Variants in SYNDIG1 observed in about 807,000 individuals in gnomAD.
SYNDIG1 encodes synapse differentiation-inducing gene protein 1.
In SYNDIG1, 9 loss-of-function variants were observed where a neutral mutation model predicts 19.4. The observed-to-expected ratio is 0.46, with a 90% CI of 0.28 to 0.81. The LOEUF (loss-of-function observed/expected upper bound fraction) is 0.81. Among genes scored for constraint, SYNDIG1 ranks in the 30% least tolerant of loss-of-function variants. SYNDIG1 has a pLI of 0.12. For missense variants in SYNDIG1, 311 were observed against 343.3 expected (o/e 0.91, Z 0.74); for synonymous variants, 141 against 145.9 (o/e 0.97, Z 0.24).
intron 1 of SYNDIG1, among the ~76,000 whole-genome samples, chr20:24,504,084 T>C (rs909424262): frequency 1.3e-5 from 2 of 151,102 alleles, no homozygotes; most frequent in Non-Finnish European, 2.9e-5. Context: ...CTCAGCCTCC[T>C]GAGTAGCTGG....
rs574395986 is a variant in SYNDIG1, at chr20:24,552,158, C to T, written c.480+8581C>T. ...GGGGCTCCGTTGTTAAGAGTGTGTA[C>T]ATTTATAATTGTTATATCTTGCTGA... is the stretch of plus-strand genomic sequence containing the variant. On this transcript the variant is annotated intron_variant, in intron 2 of 3. Coordinates refer to ENST00000376862, the MANE Select transcript of SYNDIG1 (RefSeq NM_024893.3). Among the ~76,000 whole-genome samples the T allele has an allele frequency of 1.1e-3, 174 of 152,238 alleles. 1 individual carries two copies. The highest frequency in any genetic ancestry group is 3.9e-3 in the African/African-American group (164 of 41,536).
At chr20:24,506,446 C>T (rs921177596) in intron 1 of SYNDIG1, among the ~76,000 whole-genome samples, 4 of 152,212 alleles carry the variant, frequency 2.6e-5, no homozygotes, top group Non-Finnish European at 5.9e-5. Context: ...AGCATGGCCA[C>T]AGTCCCCCTG....
chr20:24,578,175 G>A (rs1334721747), intron 2 of SYNDIG1, among the ~76,000 whole-genome samples: 2 of 152,200 alleles, frequency 1.3e-5, no homozygotes, highest in African/African-American at 4.8e-5. Flanking sequence ...GGGCATGATG[G>A]CTCACGCCTG....
At chr20:24,618,506 T>C (rs1321403433) in intron 3 of SYNDIG1, among the ~76,000 whole-genome samples, 2 of 152,306 alleles carry the variant, frequency 1.3e-5, no homozygotes, top group Admixed American at 6.5e-5. Flanking sequence ...AGACAAATTA[T>C]GTCCCGACTA....
At chr20:24,607,260 C>A (rs2058769652) in intron 3 of SYNDIG1, among the ~76,000 whole-genome samples, 1 of 150,412 alleles carries the variant, frequency 6.6e-6, no homozygotes, top group Non-Finnish European at 1.5e-5. Flanking sequence ...CTAGTGGAGG[C>A]TGAAGCAGGA....
At chr20:24,516,480 A>T (rs2056867125) in intron 1 of SYNDIG1, among the ~76,000 whole-genome samples, 1 of 152,216 alleles carries the variant, frequency 6.6e-6, no homozygotes, top group African/African-American at 2.4e-5. Flanking sequence ...TACGAGAAAA[A>T]AACAACCCTA....
At chr20:24,623,414 C>T (rs1416102121) in intron 3 of SYNDIG1, among the ~76,000 whole-genome samples, 1 of 151,844 alleles carries the variant, frequency 6.6e-6, no homozygotes, top group African/African-American at 2.4e-5. Flanking sequence ...ATTCTTCAAA[C>T]AGAAGGAAAA....
At chr20:24,591,230 T>A (rs1227244770) in intron 3 of SYNDIG1, among the ~76,000 whole-genome samples, 2 of 146,932 alleles carry the variant, frequency 1.4e-5, no homozygotes, top group East Asian at 3.9e-4. Flanking sequence ...TATACAAAAA[T>A]TTTAAAAAAA....
At chr20:24,640,514 GAA>G (rs2059365356) in intron 3 of SYNDIG1, among the ~76,000 whole-genome samples, 2 of 145,604 alleles carry the variant, frequency 1.4e-5, no homozygotes, top group East Asian at 2.0e-4. Context: ...AGGAAGGAAG[GAA>G]GGAAGGAAGG....
At chr20:24,605,818 G>C (rs1028047724) in intron 3 of SYNDIG1, among the ~76,000 whole-genome samples, 2 of 152,224 alleles carry the variant, frequency 1.3e-5, no homozygotes, top group African/African-American at 4.8e-5. Flanking sequence ...CAAAGCCTGT[G>C]ACGTGTGGGA....
At chr20:24,511,554 G>A (rs532787016) in intron 1 of SYNDIG1, among the ~76,000 whole-genome samples, 2 of 152,148 alleles carry the variant, frequency 1.3e-5, no homozygotes, top group East Asian at 3.9e-4. Context: ...CTTCTTGAGG[G>A]GACCCAGGCC....
intron 3 of SYNDIG1, among the ~76,000 whole-genome samples, chr20:24,656,467 A>C (rs2059526999): frequency 1.3e-5 from 2 of 152,088 alleles, no homozygotes; most frequent in African/African-American, 4.8e-5. Flanking sequence ...AGGCGTGCTG[A>C]GGGGCACTGG....
At chr20:24,650,154 C>T (rs1220062454) in intron 3 of SYNDIG1, among the ~76,000 whole-genome samples, 5 of 152,188 alleles carry the variant, frequency 3.3e-5, no homozygotes, top group Non-Finnish European at 7.3e-5. Context: ...TGTGAGTGTG[C>T]GTCTGTTGCT....
intron 1 of SYNDIG1, among the ~76,000 whole-genome samples, chr20:24,519,014 T>C (rs2056948167): frequency 6.6e-6 from 1 of 152,226 alleles, no homozygotes; most frequent in African/African-American, 2.4e-5. Flanking sequence ...TGGCAGAGAA[T>C]AACTCAAGAG....
intron 3 of SYNDIG1, among the ~76,000 whole-genome samples, chr20:24,607,510 G>A (rs1014619850): frequency 8.5e-5 from 13 of 152,314 alleles, no homozygotes; most frequent in African/African-American, 2.9e-4. Flanking sequence ...AGTGGGGCTA[G>A]GAAGAGCCTC....
chr20:24,640,264 G>A (rs954524306), intron 3 of SYNDIG1, among the ~76,000 whole-genome samples: 1 of 151,954 alleles, frequency 6.6e-6, no homozygotes, highest in East Asian at 1.9e-4. Context: ...GGCAGAGTTT[G>A]CAGAGAGCCA....
rs2059554683 is a variant in SYNDIG1, at chr20:24,658,713, G to T, written c.619-6633G>T. ...AGGGGCCTGGGAAAGCCCACAAAGT[G>T]CACAGCCCGGCAACGCCCAGAGCTT... On this transcript the variant is annotated intron_variant, in intron 3 of 3. Transcript: ENST00000376862. This position sits in a 1 kb window ranked among gnomAD's most constrained non-coding sequence, Gnocchi z 4.4. Among the ~76,000 whole-genome samples, 1 of 151,730 alleles carries T rather than the reference G, an allele frequency of 6.6e-6. No individual in the cohort carries two copies. Among genetic ancestry groups the T allele is most frequent in the Non-Finnish European group, 1.5e-5 (1 of 67,942 alleles).
chr20:24,618,594 T>C (rs1362666193), intron 3 of SYNDIG1, among the ~76,000 whole-genome samples: 1 of 152,208 alleles, frequency 6.6e-6, no homozygotes, highest in Non-Finnish European at 1.5e-5. Context: ...AACAGCAGCT[T>C]CATTAGCTTT....
intron 2 of SYNDIG1, among the ~76,000 whole-genome samples, chr20:24,577,333 C>T (rs772899382): frequency 1.3e-5 from 2 of 152,186 alleles, no homozygotes; most frequent in East Asian, 1.9e-4. Flanking sequence ...CAGAAGGGGT[C>T]GGGTCTTCTA....
Sources: allele counts gnomAD v4.1 joint callset (sites outside exome capture counted in the v4.1 genomes callset), GRCh38; gene constraint gnomAD v4.1.1; non-coding constraint Gnocchi (gnomAD v3.1); transcripts MANE v1.5; gene names NCBI Gene and HGNC (gene_info 2026-07-23, HGNC 2026-07-21).